DENND5B: variants seen among roughly 807,000 people sequenced by gnomAD.
The protein encoded by DENND5B is DENN domain-containing protein 5B.
In DENND5B, 34 loss-of-function variants were observed where a neutral mutation model predicts 140.6. The observed-to-expected ratio is 0.24, with a 90% CI of 0.18 to 0.32. DENND5B has a LOEUF of 0.32. Ranked by LOEUF, DENND5B falls within the 10% of genes least tolerant of loss-of-function variation. The pLI, the probability that DENND5B is intolerant of heterozygous loss-of-function variation, is 1.00. For missense variants in DENND5B, 1,142 were observed against 1,560.2 expected (o/e 0.73, Z 4.52); for synonymous variants, 551 against 562.1 (o/e 0.98, Z 0.28).
intron 1 of DENND5B, among the ~76,000 whole-genome samples, chr12:31,527,305 A>C (rs11051452): frequency 0.026 from 3,934 of 152,314 alleles, 72 homozygotes; most frequent in Non-Finnish European, 0.042. Flanking sequence ...AGCAAAGATC[A>C]TAAGACAGGA....
chr12:31,551,379 G>A (rs1361211570), intron 1 of DENND5B, among the ~76,000 whole-genome samples: 2 of 152,070 alleles, frequency 1.3e-5, no homozygotes, highest in African/African-American at 4.8e-5. Context: ...TTGTAGATAT[G>A]CGGCATTATT....
In DENND5B at chr12:31,392,399, G is replaced by A; in HGVS notation, c.3340-6C>T. ...AACACGGTGAGGCTTCCTCTCTGTG[G>A]GGCATAACACACAGTGCCAAAGAAA... On this transcript the variant is annotated splice_polypyrimidine_tract_variant and splice_region_variant and intron_variant, in intron 18 of 20. Coordinates refer to ENST00000389082, the MANE Select transcript of DENND5B (RefSeq NM_144973.4). 1.2e-6 allele frequency: 2 copies of A among 1,613,360 alleles called. No individual in the cohort carries two copies. The highest frequency in any genetic ancestry group is 1.1e-5 in the South Asian group (1 of 90,968).
At chr12:31,459,247 TTAC>T (rs1487577520) in intron 4 of DENND5B, among the ~76,000 whole-genome samples, 1 of 152,020 alleles carries the variant, frequency 6.6e-6, no homozygotes, top group Non-Finnish European at 1.5e-5. Context: ...CTAGGAGGTG[TTAC>T]TATTCTTACT....
At chr12:31,499,087 C>T (rs1195198964) in intron 1 of DENND5B, among the ~76,000 whole-genome samples, 1 of 150,426 alleles carries the variant, frequency 6.6e-6, no homozygotes, top group African/African-American at 2.5e-5. Flanking sequence ...GATGGGGGAA[C>T]AACCTATACT....
chr12:31,522,588 GCA>G (rs1056898264), intron 1 of DENND5B, among the ~76,000 whole-genome samples: 3 of 152,082 alleles, frequency 2.0e-5, no homozygotes, highest in East Asian at 1.9e-4. Flanking sequence ...GGGACTACAG[GCA>G]CACACCATCA....
At chr12:31,490,671 A>G (rs1048958521) in intron 2 of DENND5B, among the ~76,000 whole-genome samples, 1 of 152,204 alleles carries the variant, frequency 6.6e-6, no homozygotes, top group African/African-American at 2.4e-5. Flanking sequence ...ATGAGGGCTT[A>G]TCTTCATTCT....
At chr12:31,549,558 G>C (rs1948969820) in intron 1 of DENND5B, among the ~76,000 whole-genome samples, 1 of 150,148 alleles carries the variant, frequency 6.7e-6, no homozygotes, top group Non-Finnish European at 1.5e-5. Context: ...TTTATTTTAA[G>C]TTCCAGGGTA....
At chr12:31,395,539 G>A (rs1449756024) in intron 17 of DENND5B, among the ~76,000 whole-genome samples, 1 of 152,148 alleles carries the variant, frequency 6.6e-6, no homozygotes, top group East Asian at 1.9e-4. Flanking sequence ...GTTGCAGTGA[G>A]ATGAGACCGC....
intron 2 of DENND5B, among the ~76,000 whole-genome samples, chr12:31,491,719 G>A (rs1047844544): frequency 1.3e-5 from 2 of 151,684 alleles, no homozygotes; most frequent in Admixed American, 1.3e-4. Flanking sequence ...CAGCAACTGA[G>A]GAAAAAAAAC....
chr12:31,460,074 G>T, intron 4 of DENND5B, 120 bp downstream of exon 4: 1 of 960,390 alleles, frequency 1.0e-6, no homozygotes, highest in Non-Finnish European at 1.5e-6. Context: ...AGCCATACTT[G>T]GAGATTTAGG....
rs1338897508 is a variant in DENND5B, at chr12:31,392,379, G to A, written c.3354C>T (p.Thr1118=). 3.7e-6 allele frequency: 6 copies of A among 1,613,760 alleles called. No homozygotes were observed. Among genetic ancestry groups the A allele is most frequent in the South Asian group, 1.1e-5 (1 of 91,052 alleles). Residue 1118 remains threonine, a synonymous_variant, in exon 19 of 21, where the codon ACC becomes ACT. Coordinates refer to ENST00000389082, the MANE Select transcript of DENND5B (RefSeq NM_144973.4). ...HKPEKERGSL[T]VLLCGENGLV... ...GGCCATTTTCTCCACACAGCAACACGGTGAGGCTTCCTCTCTGTGGGGCAT... is the reference window on the plus strand; with the variant it reads ...GGCCATTTTCTCCACACAGCAACACAGTGAGGCTTCCTCTCTGTGGGGCAT...
intron 19 of DENND5B, 45 bp from the exon 20 acceptor site, chr12:31,389,543 TCATA>T: frequency 6.6e-7 from 1 of 1,509,024 alleles, no homozygotes; most frequent in Non-Finnish European, 9.0e-7. Context: ...TGTCAACACT[TCATA>T]TATAGAAAGA....
chr12:31,559,288 T>C (rs1302995493), intron 1 of DENND5B, among the ~76,000 whole-genome samples: 1 of 152,166 alleles, frequency 6.6e-6, no homozygotes, highest in African/African-American at 2.4e-5. Flanking sequence ...CTTACAAAAC[T>C]GGAAACACAG....
intron 1 of DENND5B, among the ~76,000 whole-genome samples, chr12:31,548,408 G>GAAGA (rs781388246): frequency 1.3e-5 from 1 of 78,222 alleles, no homozygotes; most frequent in Non-Finnish European, 2.5e-5. Context: ...AAAAGAAGAA[G>GAAGA]AAAAAAAAAA....
At chr12:31,502,725 T>TG (rs982582168) in intron 1 of DENND5B, among the ~76,000 whole-genome samples, 1 of 152,168 alleles carries the variant, frequency 6.6e-6, no homozygotes, top group Non-Finnish European at 1.5e-5. Context: ...GCTTCTACGC[T>TG]GGGGGGCTAC....
chr12:31,469,764 T>C (rs986133178), intron 3 of DENND5B, among the ~76,000 whole-genome samples: 1 of 152,072 alleles, frequency 6.6e-6, no homozygotes, highest in African/African-American at 2.4e-5. Context: ...GTGAGTAGTT[T>C]TTCACTCTTA....
intron 1 of DENND5B, among the ~76,000 whole-genome samples, chr12:31,532,472 G>C (rs962882777): frequency 3.9e-5 from 6 of 152,112 alleles, no homozygotes; most frequent in Admixed American, 3.9e-4. Flanking sequence ...AGACCAGGCA[G>C]GGAGGGGGAA....
Position 31,480,244 on chromosome 12 carries a change from A to AGAAAG in DENND5B, c.248_249insCTTTC (p.Lys84PhefsTer22). ...TTTGTGTCCTGAAAGATAGCCCTTT[A>AGAAAG]GGCATGCACAACTGTGAAAGAAAGA... is the stretch of plus-strand genomic sequence containing the variant. On this transcript the variant is annotated frameshift_variant, in exon 3 of 21. Transcript: ENST00000389082. LOFTEE classifies it high-confidence loss of function. The AGAAAG allele has an allele frequency of 6.4e-7, 1 of 1,566,026 alleles. No homozygotes were observed. The highest frequency in any genetic ancestry group is 1.2e-5 in the South Asian group (1 of 84,372).
intron 1 of DENND5B, among the ~76,000 whole-genome samples, chr12:31,511,002 G>T (rs568282921): frequency 3.3e-5 from 5 of 152,222 alleles, no homozygotes; most frequent in Non-Finnish European, 7.4e-5. Flanking sequence ...AGGTCAAGGC[G>T]GGGGAAATAA....
Sources: gnomAD v4.1 joint callset for allele counts (sites outside exome capture counted in the v4.1 genomes callset) on GRCh38, gnomAD v4.1.1 for gene constraint, MANE v1.5 for transcripts, NCBI Gene and HGNC (gene_info 2026-07-23, HGNC 2026-07-21) for gene names.